Variants in COPS9 observed in about 807,000 individuals in gnomAD.
COPS9 encodes COP9 signalosome complex subunit 9.
Under a neutral mutation model 7.2 loss-of-function variants are expected in COPS9, and 8 were observed. That is an observed-to-expected ratio of 1.11 (90% CI 0.65 to 2.00). COPS9 has a LOEUF of 2.00. Among genes scored for constraint, COPS9 ranks in the 30% most tolerant of loss-of-function variants. COPS9 has a pLI of 0.00. For missense variants in COPS9, 74 were observed against 77.7 expected, an observed-to-expected ratio of 0.95 and a Z score of 0.18; for synonymous variants, 39 against 28.7, an observed-to-expected ratio of 1.36 and a Z score of -1.14.
downstream of COPS9, among the ~76,000 whole-genome samples, chr2:240,130,414 C>T (rs7567372): frequency 0.33 from 50,460 of 152,242 alleles, 8,622 homozygotes; most frequent in African/African-American, 0.39. Flanking sequence ...GGGCGTTACA[C>T]TCTCCTTTGA....
chr2:240,130,665 C>G (rs1378200337), downstream of COPS9, among the ~76,000 whole-genome samples: 1 of 152,248 alleles, frequency 6.6e-6, no homozygotes, highest in East Asian at 1.9e-4. Context: ...GCCTCCTGCT[C>G]CAGCACATAC....
chr2:240,130,021 C>G, downstream of COPS9: 2 of 1,612,296 alleles, frequency 1.2e-6, no homozygotes, highest in Non-Finnish European at 1.7e-6. Context: ...CTGGGCAGTC[C>G]TGAGCTGCTG....
downstream of COPS9, chr2:240,126,648 T>G (rs907542344): frequency 6.2e-7 from 1 of 1,614,082 alleles, no homozygotes; most frequent in Non-Finnish European, 8.5e-7. Context: ...CTTAAAACAT[T>G]TACCCCTCCA....
At chr2:240,126,758 C>T, downstream of COPS9, 1 of 1,614,206 alleles carries the variant, frequency 6.2e-7, no homozygotes, top group African/African-American at 1.3e-5. Flanking sequence ...TGGATTGGTT[C>T]TTCCGTAAAC....
rs185206849 is a variant in COPS9 at position 240,135,184 on chromosome 2, A to G, written c.63+1038T>C. ...GCTCAACCATGTTAAACGACACAAC[A>G]TTCCCTTCCCTTGGTGAGCCAGTCG... On this transcript the variant is annotated intron_variant, in intron 1 of 2. Coordinates refer to ENST00000607357, the MANE Select transcript of COPS9 (RefSeq NM_001163424.2). Among the ~76,000 whole-genome samples, 22 of 152,008 alleles carry G rather than the reference A, an allele frequency of 1.4e-4. 1 individual carries two copies. Among genetic ancestry groups the G allele is most frequent in the Admixed American group, 1.3e-3 (20 of 15,284 alleles).
At chr2:240,126,549 C>T, downstream of COPS9, 1 of 1,606,230 alleles carries the variant, frequency 6.2e-7, no homozygotes, top group African/African-American at 1.3e-5. Flanking sequence ...CGGAAACACA[C>T]ACCTCTCTGC....
At chr2:240,136,154 G>A in intron 1 of COPS9, 68 bp downstream of exon 1, 1 of 1,331,364 alleles carries the variant, frequency 7.5e-7, no homozygotes, top group Non-Finnish European at 9.6e-7. Context: ...CCGCGCACCA[G>A]GACGCCGCCC....
chr2:240,131,463 G>A (rs572480600), intron 2 of COPS9, among the ~76,000 whole-genome samples: 32 of 152,336 alleles, frequency 2.1e-4, no homozygotes, highest in African/African-American at 7.0e-4. Context: ...TGCCGGGGCC[G>A]GGGAGAGATG....
chr2:240,136,186 C>A, intron 1 of COPS9, 36 bp downstream of exon 1: 1 of 1,493,612 alleles, frequency 6.7e-7, no homozygotes. Context: ...CTTCCCCGCT[C>A]CCCACGCTCG....
chr2:240,129,381 G>A (rs1412024288), downstream of COPS9, among the ~76,000 whole-genome samples: 1 of 152,054 alleles, frequency 6.6e-6, no homozygotes, highest in Non-Finnish European at 1.5e-5. Context: ...GCCCAGGTTG[G>A]TCTCAAACTC....
At position 240,136,171 on chromosome 2, in the gene COPS9, TC is replaced by T. The variant is rs763596958; in HGVS notation, c.63+50del. ...GCGCACCAGGACGCCGCCCTTCCGC[TC>T]CCCCTTCCCCGCTCCCCACGCTCGG... On this transcript the variant is annotated intron_variant, in intron 1 of 2. Coordinates refer to ENST00000607357, the MANE Select transcript of COPS9 (RefSeq NM_001163424.2). The T allele has an allele frequency of 8.7e-6, 12 of 1,383,470 alleles. No homozygotes were observed. In the East Asian group the frequency reaches 3.0e-4, roughly 34 times the overall value. The allele number at this position is 1,383,470 out of a possible 1,614,324, so 85.7% of individuals were successfully genotyped here.
chr2:240,128,107 G>A (rs2071884936), downstream of COPS9, among the ~76,000 whole-genome samples: 1 of 152,246 alleles, frequency 6.6e-6, no homozygotes, highest in African/African-American at 2.4e-5. Flanking sequence ...CAGGGCTGGA[G>A]GCGGGCAAAG....
chr2:240,130,184 A>T (rs771651941), downstream of COPS9, among the ~76,000 whole-genome samples: 1 of 152,220 alleles, frequency 6.6e-6, no homozygotes, highest in African/African-American at 2.4e-5. Context: ...TGACAAGGTG[A>T]CACCCTTCAG....
chr2:240,134,172 G>T, intron 1 of COPS9, 167 bp from the exon 2 acceptor site: 1 of 607,446 alleles, frequency 1.6e-6, no homozygotes, highest in Non-Finnish European at 2.9e-6. Flanking sequence ...GTATTGGGGG[G>T]AGGGGGAGGA....
intron 2 of COPS9, 97 bp downstream of exon 2, chr2:240,133,836 T>C (rs1017179731): frequency 3.2e-6 from 4 of 1,249,154 alleles, no homozygotes; most frequent in African/African-American, 2.9e-5. Flanking sequence ...TACCACCTTA[T>C]GATCCAAATT....
At position 240,136,193 on chromosome 2, in the gene COPS9, C is replaced by A; in HGVS notation, c.63+29G>T. 3 of 1,508,076 alleles carry A rather than the reference C, an allele frequency of 2.0e-6. No homozygotes were observed. The African/African-American group carries it at 4.3e-5, about 22-fold the overall frequency. 93.4% of individuals were successfully genotyped at this position (1,508,076 alleles called of 1,614,324 possible). A position where few individuals can be genotyped will look rare whatever the true frequency, so the allele number is the denominator to read the frequency against. On this transcript the variant is annotated intron_variant, in intron 1 of 2. Coordinates refer to ENST00000607357, the MANE Select transcript of COPS9 (RefSeq NM_001163424.2). The stretch of plus-strand genomic sequence containing the variant: ...CGCTCCCCCTTCCCCGCTCCCCACG[C>A]TCGGAGACTCCCGCCGGGCCCGTGC...
downstream of COPS9, chr2:240,127,065 G>A: frequency 8.0e-7 from 1 of 1,246,912 alleles, no homozygotes; most frequent in Non-Finnish European, 1.1e-6. Context: ...ACAAGGTACA[G>A]GAACTTAGGA....
At chr2:240,127,757 G>A (rs77205376), downstream of COPS9, among the ~76,000 whole-genome samples, 66 of 152,222 alleles carry the variant, frequency 4.3e-4, 1 homozygote, top group African/African-American at 1.5e-3. Flanking sequence ...CCAGGATTCC[G>A]TCATTTTCAA....
chr2:240,127,012 C>G, downstream of COPS9: 1 of 1,553,218 alleles, frequency 6.4e-7, no homozygotes, highest in Non-Finnish European at 8.7e-7. Context: ...TTCCGAGTGA[C>G]CTGGGACAAG....
Sources: allele counts gnomAD v4.1 joint callset (sites outside exome capture counted in the v4.1 genomes callset), GRCh38; gene constraint gnomAD v4.1.1; transcripts MANE v1.5; gene names NCBI Gene and HGNC (gene_info 2026-07-23, HGNC 2026-07-21).